Variants in TMPRSS11F observed in about 807,000 individuals in gnomAD.
TMPRSS11F encodes the protein transmembrane protease serine 11F.
A neutral mutation model predicts 60.2 loss-of-function variants in TMPRSS11F; 47 were observed. The ratio of observed to expected loss-of-function variants is 0.78; its 90% CI spans 0.62 to 1.00. TMPRSS11F has a LOEUF of 1.00. Ranked by LOEUF, TMPRSS11F falls within the 50% of genes least tolerant of loss-of-function variation. The pLI is 0.00. For missense variants in TMPRSS11F, 519 were observed against 522.9 expected (o/e 0.99, Z 0.07); for synonymous variants, 166 against 167.3 (o/e 0.99, Z 0.06).
intron 1 of TMPRSS11F, among the ~76,000 whole-genome samples, chr4:68,121,392 T>C (rs1724623012): frequency 6.6e-6 from 1 of 152,182 alleles, no homozygotes; most frequent in Admixed American, 6.5e-5. Flanking sequence ...TTCTGAAAAA[T>C]ATGTTATATT....
chr4:68,071,835 C>T (rs1391854622), intron 5 of TMPRSS11F, among the ~76,000 whole-genome samples: 1 of 152,104 alleles, frequency 6.6e-6, no homozygotes, highest in Non-Finnish European at 1.5e-5. Context: ...CAGTTCATGT[C>T]ACTGGCTCTT....
intron 1 of TMPRSS11F, among the ~76,000 whole-genome samples, chr4:68,107,805 C>A (rs1724333338): frequency 6.6e-6 from 1 of 152,124 alleles, no homozygotes; most frequent in East Asian, 1.9e-4. Flanking sequence ...GGTGTGGTAG[C>A]ACTTGCCTGT....
intron 3 of TMPRSS11F, among the ~76,000 whole-genome samples, chr4:68,088,758 A>G (rs985053671): frequency 5.3e-5 from 8 of 152,166 alleles, no homozygotes; most frequent in Admixed American, 6.5e-5. Context: ...TAAAACACCA[A>G]TAATGTTCAA....
At chr4:68,063,009 A>G (rs372336449) in intron 8 of TMPRSS11F, 2 of 684,076 alleles carry the variant, frequency 2.9e-6, no homozygotes, top group Non-Finnish European at 5.6e-6. Context: ...TCACTACAAG[A>G]CATTTCTGAC....
chr4:68,110,676 G>A (rs1000499220), intron 1 of TMPRSS11F, among the ~76,000 whole-genome samples: 5 of 151,980 alleles, frequency 3.3e-5, no homozygotes, highest in African/African-American at 9.7e-5. Flanking sequence ...TATTTCTTGC[G>A]AAAATAAAAT....
chr4:68,061,063 CTA>C (rs1723162515), intron 8 of TMPRSS11F, among the ~76,000 whole-genome samples: 1 of 151,314 alleles, frequency 6.6e-6, no homozygotes, highest in African/African-American at 2.4e-5. Flanking sequence ...AAAACATACT[CTA>C]TTTAATAAAG....
chr4:68,059,530 G>A, intron 8 of TMPRSS11F, 62 bp from the exon 9 acceptor site: 2 of 1,466,776 alleles, frequency 1.4e-6, no homozygotes, highest in Non-Finnish European at 1.8e-6. Flanking sequence ...TTGTATCTAA[G>A]ACATAGAAGA....
In TMPRSS11F at chr4:68,072,251, T is replaced by A. The variant is rs566436809; in HGVS notation, c.514+72A>T. The stretch of plus-strand genomic sequence containing the variant: ...AAAAAATATATATATATATATATAT[T>A]GCTTACAAAAATTAAAGAGGGTTGT... On this transcript the variant is annotated intron_variant, in intron 5 of 9. Transcript: ENST00000356291. 1.1e-3 allele frequency: 136 copies of A among 119,406 alleles called. 1 individual carries two copies. Among genetic ancestry groups the A allele is most frequent in the South Asian group, 4.5e-3 (32 of 7,150 alleles). 7.4% of individuals were successfully genotyped at this position (119,406 alleles called of 1,614,324 possible). A position where few individuals can be genotyped will look rare whatever the true frequency, so the allele number is the denominator to read the frequency against.
chr4:68,105,049 G>GTTTTTTTTTTT (rs34041075), intron 1 of TMPRSS11F, among the ~76,000 whole-genome samples: 3 of 55,192 alleles, frequency 5.4e-5, no homozygotes, highest in African/African-American at 1.5e-4. Context: ...TTCCCTCTAG[G>GTTTTTTTTTTT]TTTTTTTTTT....
At chr4:68,110,109 C>T (rs1363129954) in intron 1 of TMPRSS11F, among the ~76,000 whole-genome samples, 1 of 152,158 alleles carries the variant, frequency 6.6e-6, no homozygotes, top group African/African-American at 2.4e-5. Context: ...CGTTTGGGCA[C>T]AGTCCTCTCT....
At chr4:68,069,349 G>A (rs1723402753) in intron 6 of TMPRSS11F, among the ~76,000 whole-genome samples, 1 of 152,068 alleles carries the variant, frequency 6.6e-6, no homozygotes, top group Admixed American at 6.5e-5. Context: ...GCAAAGCCCT[G>A]TATTTTAACA....
intron 1 of TMPRSS11F, among the ~76,000 whole-genome samples, chr4:68,120,190 A>C (rs973507069): frequency 6.6e-6 from 1 of 152,144 alleles, no homozygotes; most frequent in Admixed American, 6.5e-5. Flanking sequence ...GTTTTTTGAG[A>C]TAGAAACTAT....
chr4:68,117,598 G>A (rs1724553583), intron 1 of TMPRSS11F, among the ~76,000 whole-genome samples: 2 of 151,500 alleles, frequency 1.3e-5, no homozygotes, highest in South Asian at 4.2e-4. Flanking sequence ...GAAAATGCAA[G>A]TCAAAACAAC....
At chr4:68,058,173 TA>T (rs1289742812) in intron 9 of TMPRSS11F, among the ~76,000 whole-genome samples, 1 of 152,190 alleles carries the variant, frequency 6.6e-6, no homozygotes, top group Non-Finnish European at 1.5e-5. Context: ...AGGGTGACTA[TA>T]ATCAATAATA....
At chr4:68,129,634 A>C (rs1724780053) in intron 1 of TMPRSS11F, among the ~76,000 whole-genome samples, 176 bp downstream of exon 1, 1 of 152,174 alleles carries the variant, frequency 6.6e-6, no homozygotes, top group South Asian at 2.1e-4. Context: ...TTGTTCAAAA[A>C]AATTCTGATA....
chr4:68,062,168 T>C, intron 8 of TMPRSS11F: 1 of 412,904 alleles, frequency 2.4e-6, no homozygotes, highest in Non-Finnish European at 4.7e-6. Flanking sequence ...TGTAGAGTGA[T>C]ATTAAAATTA....
intron 1 of TMPRSS11F, among the ~76,000 whole-genome samples, chr4:68,122,815 G>T (rs1274940580): frequency 1.3e-5 from 2 of 152,150 alleles, no homozygotes; most frequent in Non-Finnish European, 2.9e-5. Context: ...CATTAATGCT[G>T]CCTGAATTCC....
chr4:68,118,606 A>G (rs1724569865), intron 1 of TMPRSS11F, among the ~76,000 whole-genome samples: 1 of 152,196 alleles, frequency 6.6e-6, no homozygotes, highest in Non-Finnish European at 1.5e-5. Flanking sequence ...GAGATTTCTT[A>G]ATTCATTCAT....
Position 68,070,877 on chromosome 4 carries a change from A to G in TMPRSS11F, c.515-870T>C, listed in dbSNP as rs141778779. ...AGAGGTTTCATGGATATGTCTATTT[A>G]ACAAAATACATGTATGTGGCAGAAG... On this transcript the variant is annotated intron_variant, in intron 5 of 9. Transcript: ENST00000356291. 2.3e-3 allele frequency among the ~76,000 whole-genome samples: 347 copies of G among 152,332 alleles called. 4 individuals are homozygous for G. The highest frequency in any genetic ancestry group is 6.8e-3 in the Middle Eastern group (2 of 294).
Sources: allele counts gnomAD v4.1 joint callset (sites outside exome capture counted in the v4.1 genomes callset), GRCh38; gene constraint gnomAD v4.1.1; transcripts MANE v1.5; gene names NCBI Gene and HGNC (gene_info 2026-07-23, HGNC 2026-07-21).